The following MAPRE2 variants were observed in gnomAD, a reference collection of about 807,000 sequenced individuals.
MAPRE2 encodes microtubule-associated protein RP/EB family member 2.
A neutral mutation model predicts 43.2 loss-of-function variants in MAPRE2; 13 were observed. The ratio of observed to expected loss-of-function variants is 0.30; its 90% CI spans 0.20 to 0.48. The LOEUF (loss-of-function observed/expected upper bound fraction) is 0.48, where lower values mean the gene tolerates loss of function less well. Ranked by LOEUF, MAPRE2 falls within the 20% of genes least tolerant of loss-of-function variation. The pLI, the probability that MAPRE2 is intolerant of heterozygous loss-of-function variation, is 0.99. For synonymous variants in MAPRE2, 135 were observed against 148.8 expected (o/e 0.91, Z 0.68); for missense variants, 161 against 400.2 (o/e 0.40, Z 5.10).
chr18:35,124,830 T>A (rs1569013146), intron 4 of MAPRE2, among the ~76,000 whole-genome samples: 1 of 152,170 alleles, frequency 6.6e-6, no homozygotes, highest in African/African-American at 2.4e-5. Flanking sequence ...CCCTGCCTGC[T>A]TGTCTACTTG....
intron 2 of MAPRE2, 127 bp from the exon 3 acceptor site, chr18:35,097,319 A>G (rs950196735): frequency 2.5e-6 from 2 of 804,774 alleles, no homozygotes; most frequent in Non-Finnish European, 4.0e-6. Flanking sequence ...GCGCATTGGT[A>G]AGAAGGACAC....
intron 2 of MAPRE2, among the ~76,000 whole-genome samples, chr18:35,079,426 A>T (rs1325191811): frequency 6.6e-6 from 1 of 152,186 alleles, no homozygotes; most frequent in African/African-American, 2.4e-5. Flanking sequence ...CCCTTCTTTA[A>T]TATGAAAAGT....
At position 35,041,600 on chromosome 18, in the gene MAPRE2, G is replaced by A. The variant is rs1196864281; in HGVS notation, c.61G>A (p.Asp21Asn). 2.5e-6 allele frequency: 4 copies of A among 1,614,140 alleles called. No individual in the cohort carries two copies. Among genetic ancestry groups the A allele is most frequent in the Non-Finnish European group, 3.4e-6 (4 of 1,180,066 alleles). Residue 21 changes from aspartate (D) to asparagine (N), a missense_variant, in exon 1 of 7, where the codon GAT (aspartate) becomes AAT (asparagine). This residue lies in a region of MAPRE2 where 65 missense variants were observed against 246.9 expected (regional missense o/e 0.26). Coordinates refer to ENST00000300249, the MANE Select transcript of MAPRE2 (RefSeq NM_014268.4). Reference sequence around the variant, plus strand: ...CGAGAACAACAACGACATCATCCAGGATAATAACGGGACCATCATTCCTTT... The same window carrying A: ...CGAGAACAACAACGACATCATCCAGAATAATAACGGGACCATCATTCCTTT... ...NGENNNDIIQ[D>N]NNGTIIPFRK...
chr18:35,091,026 T>A (rs551256746), intron 2 of MAPRE2, among the ~76,000 whole-genome samples: 11 of 152,140 alleles, frequency 7.2e-5, no homozygotes, highest in Admixed American at 3.3e-4. Flanking sequence ...ATTTCTACAA[T>A]GGAAACATAT....
At chr18:35,066,992 T>A (rs997448283) in intron 1 of MAPRE2, among the ~76,000 whole-genome samples, 2 of 152,240 alleles carry the variant, frequency 1.3e-5, no homozygotes, top group Non-Finnish European at 2.9e-5. Flanking sequence ...TCATTTAATG[T>A]GTTGTTATTT....
chr18:35,088,316 A>AACTG (rs1490650352), intron 2 of MAPRE2, among the ~76,000 whole-genome samples: 1 of 152,202 alleles, frequency 6.6e-6, no homozygotes, highest in Non-Finnish European at 1.5e-5. Context: ...TTCTAGATGA[A>AACTG]ACTGTGTAAA....
intron 4 of MAPRE2, among the ~76,000 whole-genome samples, chr18:35,115,128 T>A (rs1031495644): frequency 2.0e-5 from 3 of 152,214 alleles, no homozygotes; most frequent in African/African-American, 7.2e-5. Context: ...CAACTTTGTC[T>A]TGCTCAATCA....
chr18:35,109,395 C>T (rs1909066527), intron 4 of MAPRE2, among the ~76,000 whole-genome samples: 1 of 152,188 alleles, frequency 6.6e-6, no homozygotes, highest in South Asian at 2.1e-4. Flanking sequence ...TAGTGTGATG[C>T]CTCCAGCATT....
intron 2 of MAPRE2, among the ~76,000 whole-genome samples, chr18:35,074,550 C>G (rs1907253710): frequency 6.6e-6 from 1 of 152,090 alleles, no homozygotes; most frequent in Non-Finnish European, 1.5e-5. Context: ...TCCTCTCCCT[C>G]ACTCCTCACC....
chr18:34,990,897 T>A (rs1307162317), intron 1 of MAPRE2, among the ~76,000 whole-genome samples: 3 of 152,166 alleles, frequency 2.0e-5, no homozygotes, highest in Non-Finnish European at 4.4e-5. Flanking sequence ...AACTGAACTA[T>A]AGGGAGCTTT....
chr18:35,088,919 G>A (rs1301326441), intron 2 of MAPRE2, among the ~76,000 whole-genome samples: 1 of 152,132 alleles, frequency 6.6e-6, no homozygotes, highest in East Asian at 1.9e-4. Flanking sequence ...AATTGAATTG[G>A]ATGTCAGATG....
rs911827580 is a variant in MAPRE2 at position 35,090,052 on chromosome 18, G to T, written c.251-7394G>T. Among the ~76,000 whole-genome samples, 7 of 152,272 alleles carry T rather than the reference G, an allele frequency of 4.6e-5. No individual in the cohort carries two copies. In the South Asian group the frequency reaches 1.5e-3, roughly 32 times the overall value. ...CAGACACAAAGGCCACATGTTATAT[G>T]ATTCTATTTATATGAATTGTCCAGA... On this transcript the variant is annotated intron_variant, in intron 2 of 6. Coordinates refer to ENST00000300249, the MANE Select transcript of MAPRE2 (RefSeq NM_014268.4).
At chr18:35,132,392 A>G (rs1010575047) in intron 6 of MAPRE2, among the ~76,000 whole-genome samples, 1 of 152,232 alleles carries the variant, frequency 6.6e-6, no homozygotes, top group Non-Finnish European at 1.5e-5. Flanking sequence ...GCAGTCATAA[A>G]TTAATCTGGG....
chr18:35,035,604 C>A (rs756155286), intron 2 of MAPRE2, among the ~76,000 whole-genome samples: 2 of 151,636 alleles, frequency 1.3e-5, no homozygotes, highest in Admixed American at 6.6e-5. Context: ...TGAAACCCAG[C>A]CTCTTAAAAA....
chr18:35,079,685 C>T (rs1907540812), intron 2 of MAPRE2, among the ~76,000 whole-genome samples: 1 of 152,174 alleles, frequency 6.6e-6, no homozygotes, highest in Non-Finnish European at 1.5e-5. Flanking sequence ...ACTCACCAGT[C>T]AGCCAGGAGA....
chr18:35,101,499 ATTCT>A (rs1908676988), intron 3 of MAPRE2, among the ~76,000 whole-genome samples: 2 of 152,132 alleles, frequency 1.3e-5, no homozygotes, highest in South Asian at 2.1e-4. Flanking sequence ...GGTTTTATTC[ATTCT>A]TTCTAACTTT....
At chr18:35,004,834 C>T (rs1252639224) in intron 1 of MAPRE2, among the ~76,000 whole-genome samples, 1 of 151,264 alleles carries the variant, frequency 6.6e-6, no homozygotes, top group Admixed American at 6.6e-5. Flanking sequence ...AGGAGAATGG[C>T]GTGAGCCCAG....
intron 2 of MAPRE2, among the ~76,000 whole-genome samples, chr18:35,021,851 C>T (rs942703282): frequency 1.3e-5 from 2 of 152,072 alleles, no homozygotes; most frequent in African/African-American, 4.8e-5. Context: ...TTAAAAGAGG[C>T]TACTGAATGT....
chr18:35,011,348 A>G (rs1319447353), intron 2 of MAPRE2, among the ~76,000 whole-genome samples: 4 of 152,212 alleles, frequency 2.6e-5, no homozygotes, highest in Non-Finnish European at 4.4e-5. Flanking sequence ...TTTGGGCAGA[A>G]AGAGTAGCAG....
Sources: allele counts gnomAD v4.1 joint callset (sites outside exome capture counted in the v4.1 genomes callset), GRCh38; gene constraint gnomAD v4.1.1; regional missense constraint gnomAD v4.1.1; transcripts MANE v1.5; gene names NCBI Gene and HGNC (gene_info 2026-07-23, HGNC 2026-07-21).